Variants in MPZL1 observed in about 807,000 individuals in gnomAD.
MPZL1 encodes the protein myelin protein zero like 1.
MPZL1 carries 16 observed loss-of-function variants against 29.3 expected under a neutral mutation model. The observed-to-expected ratio is 0.55, with a 90% CI of 0.37 to 0.83. MPZL1 has a LOEUF of 0.83. Ranked by LOEUF, MPZL1 falls within the 40% of genes least tolerant of loss-of-function variation. The probability of loss-of-function intolerance (pLI) is 0.00; values close to 1 mark genes in which losing one functional copy is unlikely to be tolerated. For synonymous variants in MPZL1, 143 were observed against 132.0 expected, an observed-to-expected ratio of 1.08 and a Z score of -0.57; for missense variants, 279 against 332.9, an observed-to-expected ratio of 0.84 and a Z score of 1.26.
In MPZL1 at chr1:167,789,562, G is replaced by T. The variant is rs544719220; in HGVS notation, c.*1641G>T. The T allele has an allele frequency of 2.0e-5, 3 of 152,302 alleles. No homozygotes were observed. In the East Asian group the frequency reaches 5.8e-4, roughly 29 times the overall value. The allele number at this position is 152,302 out of a possible 1,614,324, so 9.4% of individuals were successfully genotyped here. A position where few individuals can be genotyped will look rare whatever the true frequency, so the allele number is the denominator to read the frequency against. ...GGTGTGCACAAGGTGGTAAGATAAA[G>T]GGCATATGAGCTTCAAAACTAATGC... is the stretch of plus-strand genomic sequence containing the variant. On this transcript the variant is annotated 3_prime_UTR_variant, in exon 6 of 6. Coordinates refer to ENST00000359523, the MANE Select transcript of MPZL1 (RefSeq NM_003953.6).
At chr1:167,780,599 A>G (rs1290024391) in intron 5 of MPZL1, among the ~76,000 whole-genome samples, 2 of 152,178 alleles carry the variant, frequency 1.3e-5, no homozygotes, top group African/African-American at 2.4e-5. Context: ...ATGCTACAAC[A>G]TGGATGAATC....
chr1:167,772,699 A>T (rs766133483), intron 3 of MPZL1, among the ~76,000 whole-genome samples: 2 of 152,122 alleles, frequency 1.3e-5, no homozygotes, highest in Non-Finnish European at 2.9e-5. Flanking sequence ...TGATTTCTCC[A>T]TTTTTATTCC....
chr1:167,755,210 G>A (rs1660842760), intron 1 of MPZL1, among the ~76,000 whole-genome samples: 1 of 152,058 alleles, frequency 6.6e-6, no homozygotes, highest in Non-Finnish European at 1.5e-5. Context: ...CTGTATTTTG[G>A]AGGAGAGGAA....
At chr1:167,725,561 C>T (rs1660127585) in intron 1 of MPZL1, among the ~76,000 whole-genome samples, 1 of 152,158 alleles carries the variant, frequency 6.6e-6, no homozygotes, top group Admixed American at 6.5e-5. Flanking sequence ...TCTCGGCTCA[C>T]CACAACCTCC....
chr1:167,743,333 C>A (rs950079485), intron 1 of MPZL1, among the ~76,000 whole-genome samples: 1 of 151,932 alleles, frequency 6.6e-6, no homozygotes, highest in Non-Finnish European at 1.5e-5. Context: ...GCCTCAGCCT[C>A]CCAAGTAGCT....
At chr1:167,746,362 C>T (rs1407117938) in intron 1 of MPZL1, among the ~76,000 whole-genome samples, 1 of 152,036 alleles carries the variant, frequency 6.6e-6, no homozygotes, top group Non-Finnish European at 1.5e-5. Flanking sequence ...CTTTGAAAGG[C>T]TCTGTGTGCC....
chr1:167,722,924 A>G (rs1410153336), intron 1 of MPZL1, among the ~76,000 whole-genome samples: 1 of 152,256 alleles, frequency 6.6e-6, no homozygotes, highest in Admixed American at 6.5e-5. Context: ...TTCCAGACGT[A>G]GCCACCATAA....
At chr1:167,741,526 T>C (rs1008775743) in intron 1 of MPZL1, among the ~76,000 whole-genome samples, 1 of 151,642 alleles carries the variant, frequency 6.6e-6, no homozygotes, top group Non-Finnish European at 1.5e-5. Context: ...GATTTCACCA[T>C]GTTGACCAGG....
At chr1:167,768,452 T>C (rs1170797068) in intron 2 of MPZL1, among the ~76,000 whole-genome samples, 1 of 152,022 alleles carries the variant, frequency 6.6e-6, no homozygotes, top group Non-Finnish European at 1.5e-5. Context: ...ATTCCTATAA[T>C]ACAGATCCCT....
chr1:167,750,394 G>T (rs1660730907), intron 1 of MPZL1, among the ~76,000 whole-genome samples: 1 of 151,950 alleles, frequency 6.6e-6, no homozygotes, highest in Non-Finnish European at 1.5e-5. Context: ...TAGAGACAGG[G>T]TTTCATCATA....
At chr1:167,767,892 T>C (rs1272628786) in intron 2 of MPZL1, among the ~76,000 whole-genome samples, 1 of 150,294 alleles carries the variant, frequency 6.7e-6, no homozygotes, top group Non-Finnish European at 1.5e-5. Flanking sequence ...TTGTTTTGTT[T>C]TGTGTTTTCT....
chr1:167,745,678 A>G (rs1451939233), intron 1 of MPZL1, among the ~76,000 whole-genome samples: 2 of 152,122 alleles, frequency 1.3e-5, no homozygotes, highest in African/African-American at 4.8e-5. Flanking sequence ...CTTAATAAAT[A>G]GGACTCATTT....
chr1:167,745,263 A>G (rs1435971780), intron 1 of MPZL1, among the ~76,000 whole-genome samples: 1 of 152,132 alleles, frequency 6.6e-6, no homozygotes, highest in Non-Finnish European at 1.5e-5. Flanking sequence ...CTTGGCAGTC[A>G]AATATCAAAA....
At chr1:167,763,634 G>A (rs1479842278) in intron 1 of MPZL1, among the ~76,000 whole-genome samples, 2 of 152,190 alleles carry the variant, frequency 1.3e-5, no homozygotes, top group Admixed American at 6.5e-5. Flanking sequence ...AATAAGGGTT[G>A]CAAGCCAGTG....
At chr1:167,752,166 A>G (rs1040063113) in intron 1 of MPZL1, among the ~76,000 whole-genome samples, 5 of 152,208 alleles carry the variant, frequency 3.3e-5, no homozygotes, top group African/African-American at 1.2e-4. Context: ...TCTCTGCAAA[A>G]TGCCCTTTCA....
chr1:167,763,156 T>G (rs1425094612), intron 1 of MPZL1, among the ~76,000 whole-genome samples: 1 of 152,214 alleles, frequency 6.6e-6, no homozygotes, highest in Non-Finnish European at 1.5e-5. Context: ...ATTCCATCTT[T>G]AAATAATGTC....
intron 1 of MPZL1, among the ~76,000 whole-genome samples, chr1:167,747,657 G>T (rs1660672960): frequency 6.6e-6 from 1 of 152,098 alleles, no homozygotes. Context: ...CCTGTGTATG[G>T]TTCCAGAGAT....
intron 5 of MPZL1, among the ~76,000 whole-genome samples, chr1:167,779,139 A>G (rs1223821000): frequency 6.6e-6 from 1 of 151,834 alleles, no homozygotes; most frequent in African/African-American, 2.4e-5. Flanking sequence ...AAAAAAAGAA[A>G]AAAAAGAAAG....
At chr1:167,779,540 G>A (rs181599684) in intron 5 of MPZL1, among the ~76,000 whole-genome samples, 25 of 150,242 alleles carry the variant, frequency 1.7e-4, no homozygotes, top group South Asian at 6.4e-4. Context: ...AGCCAAGATC[G>A]CGCCACTGCA....
Sources: gnomAD v4.1 joint callset for allele counts (sites outside exome capture counted in the v4.1 genomes callset) on GRCh38, gnomAD v4.1.1 for gene constraint, MANE v1.5 for transcripts, NCBI Gene and HGNC (gene_info 2026-07-23, HGNC 2026-07-21) for gene names.